IL1RAPL1: variants seen among roughly 807,000 people sequenced by gnomAD.
IL1RAPL1 encodes the protein interleukin-1 receptor accessory protein-like 1.
A neutral mutation model predicts 48.4 loss-of-function variants in IL1RAPL1; 3 were observed. That is an observed-to-expected ratio of 0.06 (90% CI 0.03 to 0.16). The LOEUF (loss-of-function observed/expected upper bound fraction) is 0.16, where lower values mean the gene tolerates loss of function less well. IL1RAPL1 is among the 10% of genes least tolerant of loss of function. The pLI is 1.00. For missense variants in IL1RAPL1, 349 were observed against 530.6 expected (o/e 0.66, Z 3.36); for synonymous variants, 185 against 187.7 (o/e 0.99, Z 0.12).
At chrX:29,028,410 C>G (rs1418228693) in intron 2 of IL1RAPL1, among the ~76,000 whole-genome samples, 1 of 107,566 alleles carries the variant, frequency 9.3e-6, no homozygotes, top group African/African-American at 3.4e-5. Context: ...GCTTCAGCCT[C>G]CCAAGTAGCT....
At chrX:29,451,618 C>G (rs1025009723) in intron 5 of IL1RAPL1, among the ~76,000 whole-genome samples, 3 of 111,742 alleles carry the variant, frequency 2.7e-5, no homozygotes, top group African/African-American at 9.7e-5. Flanking sequence ...CTCTGTCTCT[C>G]TCTCTGTGTG....
intron 6 of IL1RAPL1, among the ~76,000 whole-genome samples, chrX:29,679,535 TATTG>T (rs1926387004): frequency 8.9e-6 from 1 of 111,976 alleles, no homozygotes; most frequent in Non-Finnish European, 1.9e-5. Flanking sequence ...TCACATACAA[TATTG>T]ATTAAAAGAC....
In IL1RAPL1 at chrX:29,183,909, G is replaced by T. The variant is rs183486489; in HGVS notation, c.83-99029G>T. Among the ~76,000 whole-genome samples the T allele has an allele frequency of 8.0e-5, 9 of 111,825 alleles. No individual in the cohort carries two copies. The East Asian group carries it at 2.5e-3, about 32-fold the overall frequency. ...GGTTTTCACCATGTTGGTCAGGCCG[G>T]TCTCGAACTCCTGACCTCAGATGAT... On this transcript the variant is annotated intron_variant, in intron 2 of 10. Transcript: ENST00000378993.
At chrX:29,901,763 G>A (rs973154478) in intron 6 of IL1RAPL1, among the ~76,000 whole-genome samples, 6 of 112,001 alleles carry the variant, frequency 5.4e-5, no homozygotes, top group Non-Finnish European at 1.9e-5. Flanking sequence ...ACTCTGGAAA[G>A]ATGAGAAAGC....
At chrX:29,115,419 A>G (rs1928659099) in intron 2 of IL1RAPL1, among the ~76,000 whole-genome samples, 1 of 111,535 alleles carries the variant, frequency 9.0e-6, no homozygotes, top group African/African-American at 3.3e-5. Context: ...AGTTTCCCCT[A>G]TATATGCGGA....
chrX:28,759,894 T>G (rs895752346), intron 1 of IL1RAPL1, among the ~76,000 whole-genome samples: 2 of 111,405 alleles, frequency 1.8e-5, no homozygotes, highest in Non-Finnish European at 3.8e-5. Flanking sequence ...ACCTAGGAAG[T>G]ATTTTTGCCT....
chrX:29,219,392 G>A (rs993896817), intron 2 of IL1RAPL1, among the ~76,000 whole-genome samples: 2 of 111,533 alleles, frequency 1.8e-5, no homozygotes, highest in African/African-American at 6.5e-5. Flanking sequence ...ATATGGGTCT[G>A]TCATCTAGAG....
intron 2 of IL1RAPL1, among the ~76,000 whole-genome samples, chrX:29,066,570 C>T (rs1446223029): frequency 8.9e-6 from 1 of 112,312 alleles, no homozygotes; most frequent in African/African-American, 3.2e-5. Flanking sequence ...CTTGAAGTGA[C>T]ACCTGTGCTT....
chrX:29,829,529 C>T (rs1310669349), intron 6 of IL1RAPL1, among the ~76,000 whole-genome samples: 1 of 111,065 alleles, frequency 9.0e-6, no homozygotes, highest in Non-Finnish European at 1.9e-5. Context: ...TCATTAGGCA[C>T]TGACTATCCA....
At chrX:29,951,399 G>C (rs902792488) in intron 9 of IL1RAPL1, among the ~76,000 whole-genome samples, 6 of 112,097 alleles carry the variant, frequency 5.4e-5, no homozygotes, top group African/African-American at 1.9e-4. Flanking sequence ...TGCAGCTGCT[G>C]ATTATTTAGA....
At chrX:28,595,793 T>C (rs1453506511) in intron 1 of IL1RAPL1, among the ~76,000 whole-genome samples, 2 of 111,443 alleles carry the variant, frequency 1.8e-5, no homozygotes, top group African/African-American at 6.5e-5. Context: ...TAGCTCTCAG[T>C]GTTTGGTTTT....
chrX:28,993,592 T>A lies in IL1RAPL1; in HGVS notation c.82+204167T>A, dbSNP rs896177188. The stretch of plus-strand genomic sequence containing the variant: ...CTTGATGCTAGTGATATTTATTTAT[T>A]GAGAAGGCAAAGATTGAAGTAGGAG... On this transcript the variant is annotated intron_variant, in intron 2 of 10. Transcript: ENST00000378993. Among the ~76,000 whole-genome samples, 6 of 112,700 alleles carry A rather than the reference T, an allele frequency of 5.3e-5. No homozygotes were observed. The Admixed American group carries it at 5.7e-4, about 11-fold the overall frequency.
chrX:28,952,418 GTTTA>G (rs763591361), intron 2 of IL1RAPL1, among the ~76,000 whole-genome samples: 1 of 111,523 alleles, frequency 9.0e-6, no homozygotes, highest in East Asian at 2.8e-4. Flanking sequence ...CAACGTAAAA[GTTTA>G]TTTCTTAACC....
intron 2 of IL1RAPL1, among the ~76,000 whole-genome samples, chrX:29,207,391 C>G (rs895323090): frequency 8.9e-6 from 1 of 112,169 alleles, no homozygotes; most frequent in African/African-American, 3.2e-5. Flanking sequence ...AAAACTCTGT[C>G]AGCCAAAATT....
At chrX:29,239,201 GACTCACTCAATACTA>G (rs1931362493) in intron 2 of IL1RAPL1, among the ~76,000 whole-genome samples, 1 of 111,535 alleles carries the variant, frequency 9.0e-6, no homozygotes, top group African/African-American at 3.3e-5. Context: ...TTTATAGTCT[GACTCACTCAATACTA>G]ATCTATGTGG....
intron 9 of IL1RAPL1, among the ~76,000 whole-genome samples, chrX:29,949,588 A>G (rs1447554041): frequency 8.9e-6 from 1 of 112,326 alleles, no homozygotes; most frequent in East Asian, 2.8e-4. Context: ...TTTGAGAATA[A>G]AGCTCAGAAT....
chrX:29,137,258 T>TCG (rs1929149169), intron 2 of IL1RAPL1, among the ~76,000 whole-genome samples: 2 of 100,371 alleles, frequency 2.0e-5, no homozygotes, highest in South Asian at 9.8e-4. Flanking sequence ...ACACTTGCGC[T>TCG]CACACACACA....
intron 2 of IL1RAPL1, among the ~76,000 whole-genome samples, chrX:29,059,546 GAGCAAACATTT>G (rs1175377807): frequency 8.9e-6 from 1 of 111,752 alleles, no homozygotes; most frequent in African/African-American, 3.2e-5. Flanking sequence ...GAAGCTTGCT[GAGCAAACATTT>G]TTGGGGAATG....
At chrX:29,133,477 G>T (rs1440864219) in intron 2 of IL1RAPL1, among the ~76,000 whole-genome samples, 1 of 111,183 alleles carries the variant, frequency 9.0e-6, no homozygotes, top group Non-Finnish European at 1.9e-5. Context: ...AATTTGAGTA[G>T]TTACTATGCT....
Sources: gnomAD v4.1 joint callset for allele counts (sites outside exome capture counted in the v4.1 genomes callset) on GRCh38, gnomAD v4.1.1 for gene constraint, MANE v1.5 for transcripts, NCBI Gene and HGNC (gene_info 2026-07-23, HGNC 2026-07-21) for gene names.